METAP1D: variants seen among roughly 807,000 people sequenced by gnomAD.
METAP1D encodes the protein methionine aminopeptidase 1D, mitochondrial.
Under a neutral mutation model 40.5 loss-of-function variants are expected in METAP1D, and 31 were observed. That is an observed-to-expected ratio of 0.77 (90% CI 0.58 to 1.03). The LOEUF is 1.03. Among genes scored for constraint, METAP1D ranks in the 50% least tolerant of loss-of-function variants. The probability of loss-of-function intolerance (pLI) is 0.00; values close to 1 mark genes in which losing one functional copy is unlikely to be tolerated. For synonymous variants in METAP1D, 151 were observed against 146.4 expected (o/e 1.03, Z -0.22); for missense variants, 411 against 420.7 (o/e 0.98, Z 0.20).
At chr2:172,031,541 C>G (rs927467451) in intron 1 of METAP1D, among the ~76,000 whole-genome samples, 1 of 152,184 alleles carries the variant, frequency 6.6e-6, no homozygotes, top group African/African-American at 2.4e-5. Flanking sequence ...GGAAGTCATT[C>G]ACATATGCTT....
At chr2:172,045,741 G>GTA (rs1559010120) in intron 1 of METAP1D, among the ~76,000 whole-genome samples, 1 of 70,584 alleles carries the variant, frequency 1.4e-5, no homozygotes, top group Non-Finnish European at 2.7e-5. Context: ...GTATATATAT[G>GTA]TGTATATATG....
At chr2:172,061,031 T>C (rs183836091) in intron 1 of METAP1D, among the ~76,000 whole-genome samples, 190 of 152,364 alleles carry the variant, frequency 1.2e-3, no homozygotes, top group Middle Eastern at 0.01. Context: ...AATGCCTCAC[T>C]GCACGTGAAC....
intron 6 of METAP1D, among the ~76,000 whole-genome samples, chr2:172,073,787 ACCAAAGGTTTACAAACATC>A (rs1690478770): frequency 6.6e-6 from 1 of 152,194 alleles, no homozygotes; most frequent in Admixed American, 6.5e-5. Flanking sequence ...ATCATTACAG[ACCAAAGGTTTACAAACATC>A]TTTCAACTCG....
chr2:172,035,410 C>T (rs1025530223), intron 1 of METAP1D, among the ~76,000 whole-genome samples: 40 of 151,940 alleles, frequency 2.6e-4, no homozygotes, highest in Admixed American at 7.2e-4. Flanking sequence ...GTGATCCTAC[C>T]GCCTCCGCCT....
Position 172,000,010 on chromosome 2 carries a change from G to T in METAP1D, c.40+1G>T. The T allele has an allele frequency of 7.5e-7, 1 of 1,335,568 alleles. No individual in the cohort carries two copies. 82.7% of individuals were successfully genotyped at this position (1,335,568 alleles called of 1,614,324 possible). ...GGCGTCCACCTGCTCGTCCGCAGAG[G>T]TAAGCGCGTGGAGGAGAGCCCCGTG... is the stretch of plus-strand genomic sequence containing the variant. On this transcript the variant is annotated splice_donor_variant, in intron 1 of 9. Transcript: ENST00000315796. LOFTEE classifies it high-confidence loss of function.
chr2:172,047,786 T>G (rs1446469535), intron 1 of METAP1D, among the ~76,000 whole-genome samples: 1 of 152,198 alleles, frequency 6.6e-6, no homozygotes, highest in Non-Finnish European at 1.5e-5. Flanking sequence ...ATAGTACACT[T>G]TACAGGGAAT....
At chr2:172,031,700 C>T (rs1689245267) in intron 1 of METAP1D, among the ~76,000 whole-genome samples, 1 of 152,176 alleles carries the variant, frequency 6.6e-6, no homozygotes, top group Non-Finnish European at 1.5e-5. Context: ...CTTTATACAG[C>T]TCATCTCTGA....
chr2:172,030,479 G>C (rs1689217510), intron 1 of METAP1D, among the ~76,000 whole-genome samples: 1 of 152,134 alleles, frequency 6.6e-6, no homozygotes, highest in African/African-American at 2.4e-5. Context: ...AAGGGTGTGT[G>C]ACACAACATT....
At chr2:172,040,009 G>C (rs1166643168) in intron 1 of METAP1D, among the ~76,000 whole-genome samples, 1 of 145,760 alleles carries the variant, frequency 6.9e-6, no homozygotes, top group Non-Finnish European at 1.5e-5. Flanking sequence ...TTTTGAGACA[G>C]AGTCTCGCCC....
rs549404116 is a variant in METAP1D, at chr2:172,050,388, C to A, written c.41-11110C>A. On this transcript the variant is annotated intron_variant, in intron 1 of 9. Transcript: ENST00000315796. ...TATGACAGTAGTATTTATGAATAGT[C>A]TGGAGGTTTTTTTAAGAATTAAAGA... 2.0e-5 allele frequency among the ~76,000 whole-genome samples: 3 copies of A among 151,860 alleles called. No individual in the cohort carries two copies. In the South Asian group the frequency reaches 6.2e-4, roughly 32 times the overall value.
rs191002146 is a variant in METAP1D at position 172,011,404 on chromosome 2, C to G, written c.40+11395C>G. Among the ~76,000 whole-genome samples, 1,054 of 151,870 alleles carry G rather than the reference C, an allele frequency of 6.9e-3. 12 individuals carry two copies. The highest frequency in any genetic ancestry group is 0.02 in the African/African-American group (840 of 41,390). On this transcript the variant is annotated intron_variant, in intron 1 of 9. Transcript: ENST00000315796. ...GGTTCATGCCATTCTCCTGCCTCAG[C>G]CTCCAGAGTAGCTGGGACTACAGGC...
chr2:172,061,661 G>A lies in METAP1D; in HGVS notation c.198+6G>A. ...CAGCTCATCCGGTTCCTAAGGTACT[G>A]TATTGCCTATTATCTCCTGCTTTTT... On this transcript the variant is annotated splice_donor_region_variant and intron_variant, in intron 2 of 9. Coordinates refer to ENST00000315796, the MANE Select transcript of METAP1D (RefSeq NM_199227.3). 6.3e-7 allele frequency: 1 copy of A among 1,592,514 alleles called. No individual in the cohort carries two copies. Among genetic ancestry groups the A allele is most frequent in the Non-Finnish European group, 8.5e-7 (1 of 1,171,100 alleles).
chr2:172,038,621 TC>T (rs371298686), intron 1 of METAP1D, among the ~76,000 whole-genome samples: 6 of 152,340 alleles, frequency 3.9e-5, no homozygotes, highest in African/African-American at 1.4e-4. Context: ...TTACCCACCC[TC>T]CTAAAACATT....
In METAP1D at chr2:172,044,934, A is replaced by T. The variant is rs986809236; in HGVS notation, c.41-16564A>T. On this transcript the variant is annotated intron_variant, in intron 1 of 9. Coordinates refer to ENST00000315796, the MANE Select transcript of METAP1D (RefSeq NM_199227.3). ...TAAATCAGGTGAAAAACAACCCAAG[A>T]GACCTAATAGGAGACTTCACAAAAG... is the stretch of plus-strand genomic sequence containing the variant. Among the ~76,000 whole-genome samples, 20 of 132,016 alleles carry T rather than the reference A, an allele frequency of 1.5e-4. 4 individuals are homozygous for T. Among genetic ancestry groups the T allele is most frequent in the Admixed American group, 3.8e-4 (5 of 13,320 alleles). 86.6% of individuals were successfully genotyped at this position (132,016 alleles called of 152,430 possible).
chr2:172,071,194 T>G, intron 6 of METAP1D, 124 bp downstream of exon 6: 1 of 774,758 alleles, frequency 1.3e-6, no homozygotes, highest in Non-Finnish European at 1.8e-6. Context: ...GATATCAGTA[T>G]GTGAACTGCC....
chr2:172,081,760 G>T lies in METAP1D; in HGVS notation c.*1354G>T, dbSNP rs962463593. 6.6e-6 allele frequency: 1 copy of T among 152,290 alleles called. No individual in the cohort carries two copies. Among genetic ancestry groups the T allele is most frequent in the African/African-American group, 2.4e-5 (1 of 41,466 alleles). 9.4% of individuals were successfully genotyped at this position (152,290 alleles called of 1,614,324 possible). On this transcript the variant is annotated 3_prime_UTR_variant, in exon 10 of 10. Transcript: ENST00000315796. The stretch of plus-strand genomic sequence containing the variant: ...TTTTGCAAAGCTGACATCCCTTAAA[G>T]ATAACTTGGGCTTTCGGAAGCGGCA...
chr2:172,070,139 A>G (rs1014874078), intron 5 of METAP1D, among the ~76,000 whole-genome samples: 10 of 152,224 alleles, frequency 6.6e-5, no homozygotes, highest in African/African-American at 2.4e-4. Context: ...TCAATGATTT[A>G]TAATGAATCT....
Position 172,080,445 on chromosome 2 carries a change from A to G in METAP1D, c.*39A>G. ...GGTCGCGGTGACCTGGTGCCTTTTT[A>G]AATAAATTGCTGAAATTTGGCTGGA... On this transcript the variant is annotated 3_prime_UTR_variant, in exon 10 of 10. Transcript: ENST00000315796. 6.2e-7 allele frequency: 1 copy of G among 1,600,502 alleles called. No individual in the cohort carries two copies. Among genetic ancestry groups the G allele is most frequent in the Non-Finnish European group, 8.6e-7 (1 of 1,168,218 alleles).
At chr2:172,038,126 G>GCCCC (rs1689437006) in intron 1 of METAP1D, among the ~76,000 whole-genome samples, 1 of 152,178 alleles carries the variant, frequency 6.6e-6, no homozygotes, top group African/African-American at 2.4e-5. Flanking sequence ...GTCCAAAAAT[G>GCCCC]TGGAATATGT....
Sources: allele counts gnomAD v4.1 joint callset (sites outside exome capture counted in the v4.1 genomes callset), GRCh38; gene constraint gnomAD v4.1.1; transcripts MANE v1.5; gene names NCBI Gene and HGNC (gene_info 2026-07-23, HGNC 2026-07-21).